The following SUGCT variants were observed in gnomAD, a reference collection of about 807,000 sequenced individuals.
SUGCT encodes the protein succinyl-CoA:glutarate-CoA transferase.
SUGCT carries 41 observed loss-of-function variants against 55.0 expected under a neutral mutation model. The ratio of observed to expected loss-of-function variants is 0.74; its 90% CI spans 0.58 to 0.97. SUGCT has a LOEUF of 0.97. Among genes scored for constraint, SUGCT ranks in the 50% least tolerant of loss-of-function variants. The pLI is 0.00. For missense variants in SUGCT, 568 were observed against 547.8 expected (o/e 1.04, Z -0.37); for synonymous variants, 187 against 200.4 (o/e 0.93, Z 0.56).
At chr7:40,535,023 C>A (rs952564402) in intron 12 of SUGCT, among the ~76,000 whole-genome samples, 2 of 152,024 alleles carry the variant, frequency 1.3e-5, no homozygotes, top group Non-Finnish European at 2.9e-5. Flanking sequence ...CATGGCAGAA[C>A]AAATTTGCAT....
At position 40,601,588 on chromosome 7, in the gene SUGCT, C is replaced by A. The variant is rs1263323302; in HGVS notation, c.1089+105202C>A. On this transcript the variant is annotated intron_variant, in intron 12 of 13. Coordinates refer to ENST00000335693, the MANE Select transcript of SUGCT (RefSeq NM_001193313.2). ...GTATCACAGGAACCTTACGCTTTGT[C>A]TTCTAGTATTTGACAACAGCAGCTC... 2.0e-5 allele frequency among the ~76,000 whole-genome samples: 3 copies of A among 152,274 alleles called. No homozygotes were observed. The South Asian group carries it at 6.2e-4, about 32-fold the overall frequency.
At chr7:40,434,823 G>A (rs1788086895) in intron 9 of SUGCT, among the ~76,000 whole-genome samples, 1 of 152,050 alleles carries the variant, frequency 6.6e-6, no homozygotes, top group South Asian at 2.1e-4. Context: ...ATTTTTTTCA[G>A]TTATAAATGT....
chr7:40,959,411 C>T, the SUGCT span, among the ~76,000 whole-genome samples: 2 of 152,202 alleles, frequency 1.3e-5, no homozygotes, highest in Non-Finnish European at 2.9e-5. Context: ...AGCAGCTTTG[C>T]CAAGCTGTGG....
At chr7:40,981,365 T>C in the SUGCT span, among the ~76,000 whole-genome samples, 1 of 152,194 alleles carries the variant, frequency 6.6e-6, no homozygotes, top group African/African-American at 2.4e-5. Flanking sequence ...TCTGTCCCCT[T>C]TAGTTCACAC....
At chr7:40,815,129 G>A (rs191752559) in intron 13 of SUGCT, among the ~76,000 whole-genome samples, 49 of 152,310 alleles carry the variant, frequency 3.2e-4, no homozygotes, top group Admixed American at 1.0e-3. Flanking sequence ...CAGGCAATGG[G>A]CTAAGCTGTG....
At chr7:40,600,087 G>A (rs1240815696) in intron 12 of SUGCT, among the ~76,000 whole-genome samples, 1 of 152,168 alleles carries the variant, frequency 6.6e-6, no homozygotes, top group Non-Finnish European at 1.5e-5. Flanking sequence ...CTGGTACTAT[G>A]ACCCATACCT....
At chr7:40,551,131 G>C (rs1475731753) in intron 12 of SUGCT, among the ~76,000 whole-genome samples, 1 of 152,092 alleles carries the variant, frequency 6.6e-6, no homozygotes, top group Admixed American at 6.5e-5. Flanking sequence ...TTGCCCAGCA[G>C]GTTCTCCTAG....
intron 1 of SUGCT, among the ~76,000 whole-genome samples, chr7:40,137,760 A>C (rs1267574027): frequency 1.3e-5 from 2 of 152,042 alleles, no homozygotes. Context: ...AGTTCACTGC[A>C]ACCTCTGCCT....
At chr7:40,414,649 G>C (rs1786871031) in intron 9 of SUGCT, among the ~76,000 whole-genome samples, 3 of 152,162 alleles carry the variant, frequency 2.0e-5, no homozygotes, top group Non-Finnish European at 1.5e-5. Context: ...GTTCATGCCT[G>C]TAATCCCAGC....
intron 12 of SUGCT, among the ~76,000 whole-genome samples, chr7:40,667,975 AT>A (rs1801738775): frequency 1.3e-5 from 2 of 152,280 alleles, no homozygotes; most frequent in South Asian, 2.1e-4. Flanking sequence ...AGGATATTAT[AT>A]TTGATACCAA....
chr7:40,913,281 C>T, the SUGCT span, among the ~76,000 whole-genome samples: 2,659 of 152,178 alleles, frequency 0.017, 25 homozygotes, highest in Non-Finnish European at 0.024. Flanking sequence ...CATGGAGAAA[C>T]GCCATCACAT....
the SUGCT span, among the ~76,000 whole-genome samples, chr7:40,959,191 C>T: frequency 2.6e-5 from 4 of 152,238 alleles, no homozygotes; most frequent in South Asian, 2.1e-4. Context: ...AGAGCGTGAG[C>T]GCTGTGCTGG....
intron 12 of SUGCT, among the ~76,000 whole-genome samples, chr7:40,542,250 A>G (rs1046505488): frequency 2.0e-5 from 3 of 152,200 alleles, no homozygotes; most frequent in African/African-American, 7.2e-5. Flanking sequence ...CATCGTCATC[A>G]TCATCATCAT....
At chr7:40,972,701 G>A in the SUGCT span, among the ~76,000 whole-genome samples, 1 of 152,184 alleles carries the variant, frequency 6.6e-6, no homozygotes, top group Non-Finnish European at 1.5e-5. Flanking sequence ...GGTAAAGGAT[G>A]CTACATTCTT....
At chr7:40,670,898 G>A (rs1801908175) in intron 12 of SUGCT, among the ~76,000 whole-genome samples, 1 of 151,874 alleles carries the variant, frequency 6.6e-6, no homozygotes, top group Non-Finnish European at 1.5e-5. Flanking sequence ...ATTAAAAGAG[G>A]ACAGAGCACT....
At chr7:40,602,008 C>T (rs771293252) in intron 12 of SUGCT, among the ~76,000 whole-genome samples, 1 of 152,210 alleles carries the variant, frequency 6.6e-6, no homozygotes, top group Non-Finnish European at 1.5e-5. Context: ...CATACTCTTT[C>T]AAGTTTTTAC....
chr7:40,273,150 A>G (rs1450347585), intron 7 of SUGCT, among the ~76,000 whole-genome samples: 1 of 152,182 alleles, frequency 6.6e-6, no homozygotes. Flanking sequence ...AACTTTTGAC[A>G]ATAATAATAG....
intron 8 of SUGCT, 50 bp from the exon 9 acceptor site, chr7:40,316,710 A>G (rs1174024136): frequency 8.3e-7 from 1 of 1,199,912 alleles, no homozygotes; most frequent in Non-Finnish European, 1.2e-6. Flanking sequence ...CTTTATGAGT[A>G]TAGATAAACT....
chr7:40,895,857 A>G, the SUGCT span, among the ~76,000 whole-genome samples: 1 of 152,216 alleles, frequency 6.6e-6, no homozygotes, highest in Non-Finnish European at 1.5e-5. Context: ...GCCTCAACAT[A>G]ATAAAAACCA....
Sources: gnomAD v4.1 joint callset for allele counts (sites outside exome capture counted in the v4.1 genomes callset) on GRCh38, gnomAD v4.1.1 for gene constraint, MANE v1.5 for transcripts, NCBI Gene and HGNC (gene_info 2026-07-23, HGNC 2026-07-21) for gene names.